ARL9: variants seen among roughly 807,000 people sequenced by gnomAD.
ARL9 encodes the protein ADP-ribosylation factor-like protein 9.
A neutral mutation model predicts 27.0 loss-of-function variants in ARL9; 14 were observed. The observed-to-expected ratio is 0.52, with a 90% CI of 0.34 to 0.81. The LOEUF is 0.81. Ranked by LOEUF, ARL9 falls within the 30% of genes least tolerant of loss-of-function variation. The probability of loss-of-function intolerance (pLI) is 0.01; values close to 1 mark genes in which losing one functional copy is unlikely to be tolerated. For synonymous variants in ARL9, 106 were observed against 108.7 expected (o/e 0.98, Z 0.15); for missense variants, 294 against 290.0 (o/e 1.01, Z -0.10).
At chr4:56,505,394 A>G (rs1200548581), upstream of ARL9, 6 of 457,388 alleles carry the variant, frequency 1.3e-5, no homozygotes, top group Non-Finnish European at 2.2e-5. Context: ...CTGACGCCCC[A>G]GGGGTTCTTC....
At chr4:56,512,788 C>T (rs936975678) in intron 2 of ARL9, among the ~76,000 whole-genome samples, 5 of 152,070 alleles carry the variant, frequency 3.3e-5, no homozygotes, top group African/African-American at 1.2e-4. Flanking sequence ...GTGATCCACC[C>T]ACCTTAGCCT....
At chr4:56,506,786 TTGTGTGTGTGTGTGTGTGTGTGTG>T (rs138908292) in intron 1 of ARL9, 5 of 181,646 alleles carry the variant, frequency 2.8e-5, no homozygotes, top group African/African-American at 3.8e-5. Context: ...ATTAACACAG[TTGTGTGTGTGTGTGTGTGTGTGTG>T]TGTGTGTGTG....
In ARL9 at chr4:56,511,239, G is replaced by A; in HGVS notation, c.334G>A (p.Val112Ile). Residue 112 changes from valine (V) to isoleucine (I), a missense_variant, in exon 2 of 4, where the codon GTC (valine) becomes ATC (isoleucine). By Grantham distance (29) the Val-to-Ile change is conservative. Transcript: ENST00000640821. The part of the protein sequence containing the change: ...LGLDGAGKTS[V>I]LHSLASNRVQ... The stretch of plus-strand genomic sequence containing the variant: ...CCTGGATGGAGCAGGAAAAACCAGT[G>A]TCCTGCACTCTCTAGCTTCAAACAG... 1 of 1,613,400 alleles carries A rather than the reference G, an allele frequency of 6.2e-7. No individual in the cohort carries two copies. The highest frequency in any genetic ancestry group is 8.5e-7 in the Non-Finnish European group (1 of 1,179,586).
chr4:56,512,385 C>T (rs993982905), intron 2 of ARL9, among the ~76,000 whole-genome samples: 39 of 152,084 alleles, frequency 2.6e-4, no homozygotes, highest in African/African-American at 8.9e-4. Context: ...TTACCTCACC[C>T]CAGGCTTATT....
intron 2 of ARL9, among the ~76,000 whole-genome samples, chr4:56,518,147 CAGGCATGCACCATAGGCATGCACCAT>C (rs200378225): frequency 1.1e-4 from 16 of 152,010 alleles, no homozygotes; most frequent in African/African-American, 2.2e-4. Context: ...GGTAGCACCA[CAGGCATGCACCATAGGCATGCACCAT>C]AGGCATGCAC....
At chr4:56,520,220 C>T (rs1182992661) in intron 3 of ARL9, among the ~76,000 whole-genome samples, 1 of 152,188 alleles carries the variant, frequency 6.6e-6, no homozygotes, top group East Asian at 1.9e-4. Context: ...CCACGCTGAT[C>T]TCGAACTTTT....
At chr4:56,523,616 A>T (rs888497434) in intron 3 of ARL9, 81 bp from the exon 4 acceptor site, 5 of 1,170,170 alleles carry the variant, frequency 4.3e-6, no homozygotes, top group African/African-American at 1.5e-5. Context: ...GAGAGCAATA[A>T]ATAAGAGTAA....
intron 1 of ARL9, 63 bp from the exon 2 acceptor site, chr4:56,511,122 C>G: frequency 7.1e-7 from 1 of 1,409,570 alleles, no homozygotes; most frequent in African/African-American, 1.4e-5. Flanking sequence ...TGGATTCTGC[C>G]AAGACCCAGA....
chr4:56,510,366 A>AAAAAAAT (rs1721602416), intron 1 of ARL9, among the ~76,000 whole-genome samples: 1 of 152,090 alleles, frequency 6.6e-6, no homozygotes, highest in East Asian at 1.9e-4. Context: ...AAAAAAAAAA[A>AAAAAAAT]AAAAAGTATA....
intron 3 of ARL9, among the ~76,000 whole-genome samples, chr4:56,520,543 T>C (rs1166805798): frequency 2.2e-5 from 3 of 134,316 alleles, no homozygotes; most frequent in African/African-American, 8.7e-5. Context: ...GATACAGAGT[T>C]TCAGTTTTGT....
intron 1 of ARL9, chr4:56,506,806 G>A (rs1417421985): frequency 2.5e-5 from 7 of 282,412 alleles, no homozygotes; most frequent in South Asian, 1.3e-4. Flanking sequence ...GTGTGTGTGT[G>A]TGTGTGTGTG....
Position 56,518,789 on chromosome 4 carries a change from A to T in ARL9, c.554A>T (p.Lys185Ile), listed in dbSNP as rs757201931. The change falls in exon 3 of 4, where the codon AAA (lysine) becomes ATA (isoleucine). Residue 185 changes from lysine (K) to isoleucine (I), a missense_variant. Lys to Ile is a moderately radical substitution (Grantham distance 102, BLOSUM62 -3). Coordinates refer to ENST00000640821, the MANE Select transcript of ARL9 (RefSeq NM_001363794.2). The stretch of plus-strand genomic sequence containing the variant: ...CACAGCCGATTACCTGAAGCCAAGA[A>T]ATACCTTCATCAGCTAATTGCAGCA... ...ADHSRLPEAK[K>I]YLHQLIAANP... The T allele has an allele frequency of 1.9e-6, 3 of 1,614,026 alleles. No homozygotes were observed. Among genetic ancestry groups the T allele is most frequent in the Middle Eastern group, 1.6e-4 (1 of 6,062 alleles).
At chr4:56,511,115 A>G (rs1223703115) in intron 1 of ARL9, 70 bp from the exon 2 acceptor site, 1 of 1,369,404 alleles carries the variant, frequency 7.3e-7, no homozygotes, top group Non-Finnish European at 9.6e-7. Flanking sequence ...ATATTATTGG[A>G]TTCTGCCAAG....
intron 2 of ARL9, among the ~76,000 whole-genome samples, chr4:56,512,721 T>A (rs1721670720): frequency 6.6e-6 from 1 of 151,960 alleles, no homozygotes; most frequent in Non-Finnish European, 1.5e-5. Flanking sequence ...TTTGTATTTT[T>A]AGTAGAGACG....
chr4:56,519,263 A>C (rs1429776647), intron 3 of ARL9, among the ~76,000 whole-genome samples: 1 of 152,218 alleles, frequency 6.6e-6, no homozygotes, highest in African/African-American at 2.4e-5. Flanking sequence ...ACTGTTGGTG[A>C]GAATGTAAAA....
intron 2 of ARL9, among the ~76,000 whole-genome samples, chr4:56,516,159 G>T (rs1041406197): frequency 1.3e-5 from 2 of 152,086 alleles, no homozygotes; most frequent in Non-Finnish European, 2.9e-5. Flanking sequence ...ATGGTGCAGG[G>T]ACCACATGGA....
In ARL9 at chr4:56,523,903, A is replaced by C; in HGVS notation, c.*27A>C. 1.3e-6 allele frequency: 2 copies of C among 1,591,250 alleles called. No individual in the cohort carries two copies. Among genetic ancestry groups the C allele is most frequent in the South Asian group, 1.1e-5 (1 of 87,888 alleles). On this transcript the variant is annotated 3_prime_UTR_variant, in exon 4 of 4. Transcript: ENST00000640821. ...CAGGACTCAGCCCACTGTGCGGCTC[A>C]CGACTGAGATGTCATCAGTGTTGAA...
upstream of ARL9, chr4:56,505,718 C>G (rs1458990373): frequency 3.9e-5 from 53 of 1,348,324 alleles, no homozygotes; most frequent in Non-Finnish European, 4.9e-5. Flanking sequence ...GCGGCGGTGC[C>G]GGGGTTGGCA....
intron 1 of ARL9, 94 bp downstream of exon 1, chr4:56,506,235 C>T (rs946597446): frequency 3.1e-5 from 36 of 1,169,444 alleles, no homozygotes; most frequent in Middle Eastern, 3.2e-4. Flanking sequence ...GGCCCCCGAC[C>T]GCGTGGGAGC....
Sources: gnomAD v4.1 joint callset for allele counts (sites outside exome capture counted in the v4.1 genomes callset) on GRCh38, gnomAD v4.1.1 for gene constraint, MANE v1.5 for transcripts, NCBI Gene and HGNC (gene_info 2026-07-23, HGNC 2026-07-21) for gene names.